The following MAPKAP1 variants were observed in gnomAD, a reference collection of about 807,000 sequenced individuals.
MAPKAP1 encodes the protein target of rapamycin complex 2 subunit MAPKAP1.
MAPKAP1 carries 20 observed loss-of-function variants against 65.7 expected under a neutral mutation model. The ratio of observed to expected loss-of-function variants is 0.30; its 90% CI spans 0.21 to 0.44. MAPKAP1 has a LOEUF of 0.44. MAPKAP1 is among the 20% of genes least tolerant of loss of function. The probability of loss-of-function intolerance (pLI) is 1.00; values close to 1 mark genes in which losing one functional copy is unlikely to be tolerated. For synonymous variants in MAPKAP1, 222 were observed against 244.3 expected, an observed-to-expected ratio of 0.91 and a Z score of 0.85; for missense variants, 423 against 648.0, an observed-to-expected ratio of 0.65 and a Z score of 3.77.
chr9:125,476,999 G>A (rs1854135576), intron 9 of MAPKAP1, among the ~76,000 whole-genome samples: 1 of 152,112 alleles, frequency 6.6e-6, no homozygotes, highest in Admixed American at 6.5e-5. Flanking sequence ...GCCTTCTCTA[G>A]GACATGTGGT....
chr9:125,697,061 C>T (rs1835408419), intron 1 of MAPKAP1, among the ~76,000 whole-genome samples: 1 of 152,108 alleles, frequency 6.6e-6, no homozygotes, highest in Admixed American at 6.5e-5. Flanking sequence ...ATGGTAGCAC[C>T]GGGATAATGA....
At chr9:125,705,024 T>C (rs1047455226) in intron 1 of MAPKAP1, among the ~76,000 whole-genome samples, 1 of 152,218 alleles carries the variant, frequency 6.6e-6, no homozygotes, top group South Asian at 2.1e-4. Flanking sequence ...TTCTATAGAC[T>C]GTCTTCTCTG....
intron 3 of MAPKAP1, among the ~76,000 whole-genome samples, chr9:125,665,591 T>C (rs1461099207): frequency 6.6e-6 from 1 of 151,430 alleles, no homozygotes; most frequent in Non-Finnish European, 1.5e-5. Flanking sequence ...TCAGCCCGCC[T>C]GCACCCAGAT....
In MAPKAP1 at chr9:125,454,243, C is replaced by T. The variant is rs78841300; in HGVS notation, c.1346-9645G>A. Among the ~76,000 whole-genome samples the T allele has an allele frequency of 2.4e-3, 362 of 152,348 alleles. 9 individuals are homozygous for T. The East Asian group carries it at 0.055, about 23-fold the overall frequency. On this transcript the variant is annotated intron_variant, in intron 10 of 11. Transcript: ENST00000265960. ...TAAGTTGTTCTAGTAAAATACCACACTGCATTTCAATAACCAAGTATTGGT... is the reference window on the plus strand; with the variant it reads ...TAAGTTGTTCTAGTAAAATACCACATTGCATTTCAATAACCAAGTATTGGT...
At chr9:125,459,707 C>CG (rs1853387486) in intron 10 of MAPKAP1, among the ~76,000 whole-genome samples, 1 of 147,898 alleles carries the variant, frequency 6.8e-6, no homozygotes, top group African/African-American at 2.5e-5. Context: ...CGCAGGCACT[C>CG]GGCAGGCTGA....
intron 4 of MAPKAP1, among the ~76,000 whole-genome samples, chr9:125,598,575 T>A (rs139125216): frequency 6.1e-4 from 93 of 152,170 alleles, no homozygotes; most frequent in Admixed American, 2.4e-3. Flanking sequence ...GGCAGTACAG[T>A]GTGATTAAGA....
At chr9:125,581,001 C>T (rs1042534958) in intron 5 of MAPKAP1, among the ~76,000 whole-genome samples, 3 of 152,202 alleles carry the variant, frequency 2.0e-5, no homozygotes, top group Non-Finnish European at 4.4e-5. Flanking sequence ...TTTTTCACTA[C>T]GTGAATCCAC....
intron 10 of MAPKAP1, among the ~76,000 whole-genome samples, chr9:125,454,402 CA>C (rs1853084061): frequency 6.6e-6 from 1 of 152,220 alleles, no homozygotes; most frequent in African/African-American, 2.4e-5. Context: ...TAAATTACTA[CA>C]AATGAAACCT....
At chr9:125,514,069 C>T (rs1360788516) in intron 7 of MAPKAP1, among the ~76,000 whole-genome samples, 4 of 152,178 alleles carry the variant, frequency 2.6e-5, no homozygotes, top group Non-Finnish European at 5.9e-5. Flanking sequence ...ACATGTCCAC[C>T]CCACACAGCC....
rs192230723 is a variant in MAPKAP1 at position 125,505,203 on chromosome 9, G to A, written c.1066+1107C>T. Among the ~76,000 whole-genome samples the A allele has an allele frequency of 2.6e-3, 398 of 152,294 alleles. 12 individuals carry two copies. The highest frequency in any genetic ancestry group is 6.2e-4 in the Non-Finnish European group (42 of 68,032). ...TCCCAGCACTTTGGGAGGCTGAGGC[G>A]GGCGGATCACCACGTCAGGAGATAG... On this transcript the variant is annotated intron_variant, in intron 8 of 11. Transcript: ENST00000265960.
chr9:125,521,674 A>AG lies in MAPKAP1; in HGVS notation c.959-15258dup, dbSNP rs1259285251. On this transcript the variant is annotated intron_variant, in intron 7 of 11. Transcript: ENST00000265960. ...GTGATGGCAAAGGTTTCTGACATCC[A>AG]GTCCAGTACTCAAAACCCACAGCAG... 21 of 1,572,758 alleles carry AG rather than the reference A, an allele frequency of 1.3e-5. No homozygotes were observed. The Admixed American group carries it at 2.8e-4, about 21-fold the overall frequency.
intron 8 of MAPKAP1, among the ~76,000 whole-genome samples, chr9:125,495,889 G>A (rs1854923516): frequency 6.6e-6 from 1 of 152,188 alleles, no homozygotes; most frequent in South Asian, 2.1e-4. Context: ...GGGAGGGAAA[G>A]GGTCACCACA....
rs1271652920 is a variant in MAPKAP1 at position 125,559,668 on chromosome 9, A to G, written c.813T>C (p.Pro271=). ...AGAGTGACTCTTTGGATGTCAGACC[A>G]GGAGATGAGTACTTTTCAACCAGGG... ...TLALVEKYSS[P]GLTSKESLFV... Residue 271 remains proline (P), a synonymous_variant, in exon 6 of 12, where the codon CCT becomes CCC. Transcript: ENST00000265960. 4 of 1,614,048 alleles carry G rather than the reference A, an allele frequency of 2.5e-6. No homozygotes were observed.
At chr9:125,543,330 A>G (rs572355000) in intron 6 of MAPKAP1, among the ~76,000 whole-genome samples, 162 bp from the exon 7 acceptor site, 7 of 152,180 alleles carry the variant, frequency 4.6e-5, no homozygotes, top group Admixed American at 1.3e-4. Context: ...GCAGTGGTGC[A>G]ATCTCGGCTC....
At chr9:125,691,452 T>G (rs562888768) in intron 1 of MAPKAP1, among the ~76,000 whole-genome samples, 1 of 152,262 alleles carries the variant, frequency 6.6e-6, no homozygotes, top group Admixed American at 6.5e-5. Flanking sequence ...ATGAGCGGGC[T>G]TCAGATGTCT....
At position 125,452,145 on chromosome 9, in the gene MAPKAP1, C is replaced by A. The variant is rs947865060; in HGVS notation, c.1346-7547G>T. Among the ~76,000 whole-genome samples, 8 of 151,844 alleles carry A rather than the reference C, an allele frequency of 5.3e-5. No individual in the cohort carries two copies. In the East Asian group the frequency reaches 7.7e-4, roughly 15 times the overall value. On this transcript the variant is annotated intron_variant, in intron 10 of 11. Coordinates refer to ENST00000265960, the MANE Select transcript of MAPKAP1 (RefSeq NM_001006617.3). ...GACAGAGTCTTCCTCTGTCACTCAG[C>A]TGGAGTGCAGTGCTGCGATCTGGGC...
At chr9:125,543,026 T>C (rs1360334534) in intron 7 of MAPKAP1, 33 bp downstream of exon 7, 2 of 1,394,288 alleles carry the variant, frequency 1.4e-6, no homozygotes, top group Non-Finnish European at 1.0e-6. Flanking sequence ...GTTAAGCTTC[T>C]ACTACTGTGA....
chr9:125,526,753 G>C (rs539794478), intron 7 of MAPKAP1, among the ~76,000 whole-genome samples: 1 of 151,572 alleles, frequency 6.6e-6, no homozygotes, highest in African/African-American at 2.4e-5. Flanking sequence ...TTTAATCAAA[G>C]TAGCATATAT....
chr9:125,446,879 A>C (rs1255692118), intron 10 of MAPKAP1, among the ~76,000 whole-genome samples: 1 of 152,186 alleles, frequency 6.6e-6, no homozygotes, highest in Non-Finnish European at 1.5e-5. Flanking sequence ...ACACTGTTAA[A>C]AAGGTTTCCT....
Sources: gnomAD v4.1 joint callset for allele counts (sites outside exome capture counted in the v4.1 genomes callset) on GRCh38, gnomAD v4.1.1 for gene constraint, MANE v1.5 for transcripts, NCBI Gene and HGNC (gene_info 2026-07-23, HGNC 2026-07-21) for gene names.